DENND1A: variants seen among roughly 807,000 people sequenced by gnomAD.
The protein encoded by DENND1A is DENN domain-containing protein 1A.
DENND1A carries 51 observed loss-of-function variants against 113.7 expected under a neutral mutation model. That is an observed-to-expected ratio of 0.45 (90% CI 0.36 to 0.57). The LOEUF (loss-of-function observed/expected upper bound fraction) is 0.57, where lower values mean the gene tolerates loss of function less well. Among genes scored for constraint, DENND1A ranks in the 20% least tolerant of loss-of-function variants. DENND1A has a pLI of 0.00. For missense variants in DENND1A, 1,258 were observed against 1,395.9 expected (o/e 0.90, Z 1.57); for synonymous variants, 565 against 570.8 (o/e 0.99, Z 0.14).
At chr9:123,458,173 G>C (rs991699305) in intron 13 of DENND1A, among the ~76,000 whole-genome samples, 1 of 151,722 alleles carries the variant, frequency 6.6e-6, no homozygotes. Flanking sequence ...GCTAATTTTT[G>C]TAGTTTTAGT....
At chr9:123,728,479 CAAAAAAAAAAAA>C (rs60761810) in intron 5 of DENND1A, among the ~76,000 whole-genome samples, 415 of 25,212 alleles carry the variant, frequency 0.016, 7 homozygotes, top group Middle Eastern at 0.062. Context: ...CTCTGTCTCC[CAAAAAAAAAAAA>C]AAAAAAAAAA....
At chr9:123,754,680 A>C (rs2070369546) in intron 5 of DENND1A, among the ~76,000 whole-genome samples, 1 of 152,234 alleles carries the variant, frequency 6.6e-6, no homozygotes, top group African/African-American at 2.4e-5. Flanking sequence ...ACACAAATGA[A>C]TGAATTAACC....
chr9:123,551,045 A>C (rs1258795561), intron 13 of DENND1A, among the ~76,000 whole-genome samples: 2 of 152,228 alleles, frequency 1.3e-5, no homozygotes, highest in Non-Finnish European at 2.9e-5. Flanking sequence ...GCCGCTTGAC[A>C]TGGATAAAGG....
intron 10 of DENND1A, among the ~76,000 whole-genome samples, chr9:123,620,638 C>T (rs1023291381): frequency 1.3e-5 from 2 of 152,164 alleles, no homozygotes; most frequent in African/African-American, 4.8e-5. Context: ...GAGGAATTAC[C>T]TAACTAGTAA....
chr9:123,638,002 G>T (rs188388361), intron 9 of DENND1A, among the ~76,000 whole-genome samples: 1 of 151,358 alleles, frequency 6.6e-6, no homozygotes, highest in African/African-American at 2.4e-5. Flanking sequence ...AAGGAGTGAA[G>T]GAAAGCGTCT....
At chr9:123,473,186 T>C (rs1412637723) in intron 13 of DENND1A, among the ~76,000 whole-genome samples, 1 of 152,178 alleles carries the variant, frequency 6.6e-6, no homozygotes. Context: ...TGAATTATTC[T>C]ACTGCAAATC....
intron 2 of DENND1A, among the ~76,000 whole-genome samples, chr9:123,812,031 T>C (rs1236433244): frequency 2.0e-5 from 3 of 152,172 alleles, no homozygotes; most frequent in East Asian, 1.9e-4. Flanking sequence ...ATCTACACTA[T>C]ATGGTATAGC....
intron 11 of DENND1A, among the ~76,000 whole-genome samples, chr9:123,603,084 GT>G (rs1457502137): frequency 2.0e-5 from 3 of 152,106 alleles, no homozygotes; most frequent in African/African-American, 7.2e-5. Context: ...TACATGTGGA[GT>G]CATACAAAGA....
At chr9:123,745,065 C>A (rs958732008) in intron 5 of DENND1A, among the ~76,000 whole-genome samples, 1 of 152,098 alleles carries the variant, frequency 6.6e-6, no homozygotes, top group Non-Finnish European at 1.5e-5. Context: ...CGTGAGCCAC[C>A]GTGCCTGGCC....
At chr9:123,755,655 C>T (rs2070476470) in intron 5 of DENND1A, among the ~76,000 whole-genome samples, 1 of 152,316 alleles carries the variant, frequency 6.6e-6, no homozygotes, top group South Asian at 2.1e-4. Flanking sequence ...GCAAGACCAA[C>T]CCCTCCTCTT....
intron 13 of DENND1A, among the ~76,000 whole-genome samples, chr9:123,460,560 A>G (rs2048446336): frequency 1.3e-5 from 2 of 152,192 alleles, no homozygotes; most frequent in Non-Finnish European, 2.9e-5. Flanking sequence ...CCCCAAATCT[A>G]TTTTTTTCTT....
intron 5 of DENND1A, among the ~76,000 whole-genome samples, chr9:123,681,742 T>A (rs1321984424): frequency 6.6e-6 from 1 of 152,092 alleles, no homozygotes; most frequent in Non-Finnish European, 1.5e-5. Flanking sequence ...ATACATACCT[T>A]CCCTAGTTTT....
chr9:123,744,266 T>C (rs1210802615), intron 5 of DENND1A, among the ~76,000 whole-genome samples: 1 of 152,214 alleles, frequency 6.6e-6, no homozygotes, highest in Non-Finnish European at 1.5e-5. Flanking sequence ...TCACATCACA[T>C]ATAAAAATTT....
chr9:123,667,188 A>T (rs557381274), intron 7 of DENND1A, 109 bp from the exon 8 acceptor site: 1 of 1,102,698 alleles, frequency 9.1e-7, no homozygotes, highest in Admixed American at 2.8e-5. Context: ...AGAAAAGGAA[A>T]CGGTTTCACT....
intron 4 of DENND1A, 64 bp from the exon 5 acceptor site, chr9:123,757,886 A>G: frequency 1.9e-6 from 3 of 1,588,146 alleles, no homozygotes; most frequent in Non-Finnish European, 2.6e-6. Context: ...AAAGTATCTA[A>G]TCACAATGAG....
chr9:123,707,036 T>C (rs1364480266), intron 5 of DENND1A, among the ~76,000 whole-genome samples: 1 of 152,106 alleles, frequency 6.6e-6, no homozygotes, highest in Non-Finnish European at 1.5e-5. Flanking sequence ...CTGGGAGTTG[T>C]CAGAAGGTGT....
chr9:123,398,099 G>A (rs546734553), intron 21 of DENND1A, among the ~76,000 whole-genome samples: 1 of 152,358 alleles, frequency 6.6e-6, no homozygotes, highest in Admixed American at 6.5e-5. Context: ...TCAGAAGACA[G>A]CCCTACATCT....
chr9:123,725,090 T>C (rs1346410235), intron 5 of DENND1A, among the ~76,000 whole-genome samples: 1 of 152,250 alleles, frequency 6.6e-6, no homozygotes, highest in African/African-American at 2.4e-5. Context: ...TCTGCAATTG[T>C]AACGCCATTC....
chr9:123,618,271 C>T (rs1038611225), intron 10 of DENND1A, among the ~76,000 whole-genome samples: 1 of 152,222 alleles, frequency 6.6e-6, no homozygotes, highest in African/African-American at 2.4e-5. Flanking sequence ...TATGGGTGAA[C>T]TATGGCTCCC....
Sources: allele counts gnomAD v4.1 joint callset (sites outside exome capture counted in the v4.1 genomes callset), GRCh38; gene constraint gnomAD v4.1.1; transcripts MANE v1.5; gene names NCBI Gene and HGNC (gene_info 2026-07-23, HGNC 2026-07-21).